The following SLC16A12 variants were observed in gnomAD, a reference collection of about 807,000 sequenced individuals.
SLC16A12 encodes the protein solute carrier family 16 member 12.
A neutral mutation model predicts 42.4 loss-of-function variants in SLC16A12; 17 were observed. The ratio of observed to expected loss-of-function variants is 0.40; its 90% CI spans 0.27 to 0.60. The LOEUF (loss-of-function observed/expected upper bound fraction) is 0.60. Ranked by LOEUF, SLC16A12 falls within the 20% of genes least tolerant of loss-of-function variation. The pLI is 0.42. For missense variants in SLC16A12, 544 were observed against 623.0 expected, an observed-to-expected ratio of 0.87 and a Z score of 1.35; for synonymous variants, 224 against 229.4, an observed-to-expected ratio of 0.98 and a Z score of 0.21.
chr10:89,542,573 G>A (rs1430624070), intron 2 of SLC16A12, among the ~76,000 whole-genome samples: 1 of 151,920 alleles, frequency 6.6e-6, no homozygotes, highest in Non-Finnish European at 1.5e-5. Flanking sequence ...CAAAGTTCTG[G>A]GATTACACGT....
intron 7 of SLC16A12, among the ~76,000 whole-genome samples, chr10:89,435,463 C>T (rs918528928): frequency 9.9e-5 from 15 of 152,164 alleles, no homozygotes; most frequent in East Asian, 1.9e-4. Context: ...CTAGCTCAGG[C>T]GTTTATCAGC....
At chr10:89,468,589 G>C (rs182409612) in intron 2 of SLC16A12, among the ~76,000 whole-genome samples, 4 of 152,324 alleles carry the variant, frequency 2.6e-5, no homozygotes, top group African/African-American at 9.6e-5. Flanking sequence ...GGGGGGAGAA[G>C]CCGACAAGGT....
At chr10:89,512,148 C>T (rs304467) in intron 2 of SLC16A12, among the ~76,000 whole-genome samples, 12 of 151,918 alleles carry the variant, frequency 7.9e-5, no homozygotes, top group African/African-American at 2.2e-4. Flanking sequence ...CAGGGCCTGA[C>T]GGAGAGCAGA....
At chr10:89,490,021 CA>C (rs1170343639) in intron 2 of SLC16A12, among the ~76,000 whole-genome samples, 2 of 152,024 alleles carry the variant, frequency 1.3e-5, no homozygotes, top group East Asian at 3.9e-4. Flanking sequence ...ACTTGAAAAT[CA>C]AAAAAACTAT....
At position 89,440,747 on chromosome 10, in the gene SLC16A12, G is replaced by A. The variant is rs552172835; in HGVS notation, c.448+361C>T. 2.6e-4 allele frequency among the ~76,000 whole-genome samples: 39 copies of A among 152,318 alleles called. No homozygotes were observed. The East Asian group carries it at 4.6e-3, about 18-fold the overall frequency. On this transcript the variant is annotated intron_variant, in intron 5 of 7. Coordinates refer to ENST00000371790, the MANE Select transcript of SLC16A12 (RefSeq NM_213606.4). ...TTATAAAGCAGGAGCAACTCAGATT[G>A]ACCGTCAATAGTATTTTAATGTCTT... is the stretch of plus-strand genomic sequence containing the variant.
chr10:89,448,336 C>T (rs1842037110), intron 3 of SLC16A12, among the ~76,000 whole-genome samples: 1 of 152,098 alleles, frequency 6.6e-6, no homozygotes, highest in Non-Finnish European at 1.5e-5. Context: ...GACCAATATC[C>T]CTGATGAACA....
chr10:89,523,759 G>A (rs1163588663), intron 2 of SLC16A12, among the ~76,000 whole-genome samples: 1 of 152,172 alleles, frequency 6.6e-6, no homozygotes, highest in Non-Finnish European at 1.5e-5. Flanking sequence ...TCACAGTGCA[G>A]ACACACTACA....
chr10:89,468,966 T>C (rs760682197), intron 2 of SLC16A12, among the ~76,000 whole-genome samples: 7 of 152,044 alleles, frequency 4.6e-5, no homozygotes, highest in Non-Finnish European at 8.8e-5. Context: ...CCCATTTCTA[T>C]AAAAAATACA....
chr10:89,504,065 A>C (rs1367608029), intron 2 of SLC16A12, among the ~76,000 whole-genome samples: 1 of 152,222 alleles, frequency 6.6e-6, no homozygotes, highest in Non-Finnish European at 1.5e-5. Context: ...CAATTTTCTC[A>C]GCTTCAGCTC....
upstream of SLC16A12, chr10:89,556,686 G>A (rs1253716131): frequency 6.6e-6 from 1 of 152,344 alleles, no homozygotes; most frequent in African/African-American, 2.4e-5. Flanking sequence ...ATGGTGCACA[G>A]AGAGACCAAG....
rs755108561 is a variant in SLC16A12 at position 89,551,676 on chromosome 10, A to G, written c.-47+4206T>C. On this transcript the variant is annotated intron_variant, in intron 2 of 2. Coordinates refer to the SLC16A12 transcript ENST00000475682. ...CCCCATAATGTTCTCATAGTAGTGAATAAGTCTTAAGAGATCTGATGGTTT... is the reference window on the plus strand; with the variant it reads ...CCCCATAATGTTCTCATAGTAGTGAGTAAGTCTTAAGAGATCTGATGGTTT... Among the ~76,000 whole-genome samples the G allele has an allele frequency of 3.5e-4, 54 of 152,228 alleles. 1 individual carries two copies. Among genetic ancestry groups the G allele is most frequent in the South Asian group, 4.1e-4 (2 of 4,820 alleles).
At chr10:89,447,529 G>C (rs1842024881) in intron 3 of SLC16A12, among the ~76,000 whole-genome samples, 1 of 152,144 alleles carries the variant, frequency 6.6e-6, no homozygotes, top group Admixed American at 6.6e-5. Flanking sequence ...ACGAAATGTA[G>C]GCAGAAATAA....
At chr10:89,470,491 T>C (rs895805577) in intron 2 of SLC16A12, among the ~76,000 whole-genome samples, 10 of 152,194 alleles carry the variant, frequency 6.6e-5, no homozygotes, top group African/African-American at 1.9e-4. Context: ...GCCCACTGAC[T>C]GTCCTTCACC....
rs746493489 is a variant in SLC16A12, at chr10:89,522,972, C to T, written c.-47+11529G>A. ...CTTTCTTTCAGTTTATTATTTTCCT[C>T]CATTTCCTATTTCTCCAATTTATTC... is the stretch of plus-strand genomic sequence containing the variant. On this transcript the variant is annotated intron_variant, in intron 2 of 7. Coordinates refer to ENST00000371790, the MANE Select transcript of SLC16A12 (RefSeq NM_213606.4). Among the ~76,000 whole-genome samples, 18 of 152,314 alleles carry T rather than the reference C, an allele frequency of 1.2e-4. No homozygotes were observed. The Middle Eastern group carries it at 0.01, about 86-fold the overall frequency.
chr10:89,448,310 C>A (rs553798494), intron 3 of SLC16A12, among the ~76,000 whole-genome samples: 1 of 151,948 alleles, frequency 6.6e-6, no homozygotes, highest in Non-Finnish European at 1.5e-5. Flanking sequence ...CACACACACA[C>A]AAAAAGGGAT....
At chr10:89,461,024 C>T (rs2133743493) in intron 3 of SLC16A12, among the ~76,000 whole-genome samples, 1 of 152,298 alleles carries the variant, frequency 6.6e-6, no homozygotes, top group Middle Eastern at 3.4e-3. Context: ...ATGATGCCAA[C>T]AAATAATTAG....
At chr10:89,448,649 C>A (rs1318252946) in intron 3 of SLC16A12, among the ~76,000 whole-genome samples, 2 of 152,196 alleles carry the variant, frequency 1.3e-5, no homozygotes, top group Non-Finnish European at 2.9e-5. Context: ...CAGCCAATAT[C>A]ATTCTGAATG....
At chr10:89,469,119 G>A (rs1484892441) in intron 2 of SLC16A12, among the ~76,000 whole-genome samples, 1 of 152,056 alleles carries the variant, frequency 6.6e-6, no homozygotes, top group Non-Finnish European at 1.5e-5. Context: ...TATAAGCAAA[G>A]GAAGCATTTA....
rs2133672524 is a variant in SLC16A12 at position 89,433,128 on chromosome 10, C to G, written c.1487G>C (p.Arg496Thr). The G allele has an allele frequency of 6.2e-7, 1 of 1,614,206 alleles. No individual in the cohort carries two copies. The highest frequency in any genetic ancestry group is 8.5e-7 in the Non-Finnish European group (1 of 1,180,040). ...CTCCCCATGTTTCTGATCTAATTCTCTTGCCACAGAATAAGCCACTGATCC... is the reference window on the plus strand; with the variant it reads ...CTCCCCATGTTTCTGATCTAATTCTGTTGCCACAGAATAAGCCACTGATCC... The part of the protein sequence containing the change: ...TNGSVAYSVA[R>T]ELDQKHGEPV... The change falls in exon 8 of 8, where the codon AGA becomes ACA. Residue 496 changes from arginine to threonine, a missense_variant. By Grantham distance (71) the Arg-to-Thr change is moderately conservative (BLOSUM62 -1). Transcript: ENST00000371790.
Sources: gnomAD v4.1 joint callset for allele counts (sites outside exome capture counted in the v4.1 genomes callset) on GRCh38, gnomAD v4.1.1 for gene constraint, MANE v1.5 for transcripts, NCBI Gene and HGNC (gene_info 2026-07-23, HGNC 2026-07-21) for gene names.